SPOCK3: variants seen among roughly 807,000 people sequenced by gnomAD.
The protein encoded by SPOCK3 is testican-3.
In SPOCK3, 30 loss-of-function variants were observed where a neutral mutation model predicts 56.6. That is an observed-to-expected ratio of 0.53 (90% CI 0.40 to 0.72). The LOEUF is 0.72. SPOCK3 is among the 30% of genes least tolerant of loss of function. The pLI, the probability that SPOCK3 is intolerant of heterozygous loss-of-function variation, is 0.00. For synonymous variants in SPOCK3, 196 were observed against 183.3 expected (o/e 1.07, Z -0.56); for missense variants, 527 against 530.0 (o/e 0.99, Z 0.06).
At chr4:167,018,301 C>A (rs949283979) in intron 3 of SPOCK3, among the ~76,000 whole-genome samples, 1 of 152,024 alleles carries the variant, frequency 6.6e-6, no homozygotes, top group Non-Finnish European at 1.5e-5. Context: ...TTTTTAGTCA[C>A]CTTTATATAA....
chr4:166,864,251 G>A lies in SPOCK3; in HGVS notation c.589+24879C>T, dbSNP rs182274950. On this transcript the variant is annotated intron_variant, in intron 6 of 10. Coordinates refer to ENST00000357545, the MANE Select transcript of SPOCK3 (RefSeq NM_001040159.2). The stretch of plus-strand genomic sequence containing the variant: ...AAACCAATGAGAACAAAGAGACAAC[G>A]TACCAGAATCTCTAGGACACAGCTA... Among the ~76,000 whole-genome samples, 12 of 152,124 alleles carry A rather than the reference G, an allele frequency of 7.9e-5. No homozygotes were observed. In the East Asian group the frequency reaches 9.7e-4, roughly 12 times the overall value.
chr4:166,776,261 A>C (rs1429830123), intron 7 of SPOCK3, among the ~76,000 whole-genome samples: 1 of 152,006 alleles, frequency 6.6e-6, no homozygotes, highest in African/African-American at 2.4e-5. Flanking sequence ...AAAAATACAA[A>C]AATTAGCTAA....
At chr4:167,042,776 A>C (rs1161176416) in intron 3 of SPOCK3, among the ~76,000 whole-genome samples, 1 of 152,140 alleles carries the variant, frequency 6.6e-6, no homozygotes, top group Non-Finnish European at 1.5e-5. Flanking sequence ...TTTTTAGATA[A>C]AATAGAATAA....
At chr4:166,811,225 T>C (rs552963280) in intron 6 of SPOCK3, among the ~76,000 whole-genome samples, 40 of 151,862 alleles carry the variant, frequency 2.6e-4, no homozygotes, top group African/African-American at 9.4e-4. Context: ...TGTCCTTTTG[T>C]CTTTATTCTT....
chr4:166,887,129 T>C (rs1314890768), intron 6 of SPOCK3, among the ~76,000 whole-genome samples: 2 of 152,184 alleles, frequency 1.3e-5, no homozygotes, highest in South Asian at 2.1e-4. Flanking sequence ...AAAATAATTA[T>C]TGTTTATTCA....
At chr4:167,094,497 C>T (rs1056041555) in intron 2 of SPOCK3, among the ~76,000 whole-genome samples, 5 of 151,814 alleles carry the variant, frequency 3.3e-5, no homozygotes, top group Admixed American at 2.6e-4. Flanking sequence ...CCACCCATAT[C>T]AAAAAGTAAA....
intron 4 of SPOCK3, among the ~76,000 whole-genome samples, chr4:166,986,466 C>G (rs529995608): frequency 1.1e-4 from 17 of 152,206 alleles, no homozygotes; most frequent in African/African-American, 4.1e-4. Flanking sequence ...TCACGGTGTC[C>G]CCTTAGCCTG....
intron 6 of SPOCK3, among the ~76,000 whole-genome samples, chr4:166,794,643 CTTTT>C (rs1170214198): frequency 3.9e-5 from 5 of 127,358 alleles, no homozygotes; most frequent in Admixed American, 8.0e-5. Context: ...TTCTTTCTTT[CTTTT>C]TTTTTTTTTT....
chr4:166,976,989 C>T (rs948747958), intron 4 of SPOCK3, among the ~76,000 whole-genome samples: 1 of 151,766 alleles, frequency 6.6e-6, no homozygotes, highest in Non-Finnish European at 1.5e-5. Context: ...AGAAAGATGG[C>T]GTGATAAGCA....
intron 6 of SPOCK3, among the ~76,000 whole-genome samples, chr4:166,848,220 A>C (rs1400809312): frequency 6.6e-6 from 1 of 152,222 alleles, no homozygotes; most frequent in African/African-American, 2.4e-5. Flanking sequence ...GATGGAGTAC[A>C]GTAGAGCTTT....
At chr4:166,992,712 A>T (rs1175873220) in intron 4 of SPOCK3, among the ~76,000 whole-genome samples, 1 of 119,480 alleles carries the variant, frequency 8.4e-6, no homozygotes, top group Non-Finnish European at 1.9e-5. Flanking sequence ...CTTTAAAAGT[A>T]ACCTTCATTA....
intron 3 of SPOCK3, among the ~76,000 whole-genome samples, chr4:167,052,739 C>T (rs1754354502): frequency 6.6e-6 from 1 of 152,106 alleles, no homozygotes; most frequent in South Asian, 2.1e-4. Flanking sequence ...TTTCAGAATA[C>T]TGTCAATAAA....
At chr4:167,097,078 CTTATT>C (rs1475705356) in intron 2 of SPOCK3, among the ~76,000 whole-genome samples, 1 of 151,458 alleles carries the variant, frequency 6.6e-6, no homozygotes, top group East Asian at 1.9e-4. Flanking sequence ...TATAGTTACT[CTTATT>C]TTATTTTCAT....
chr4:167,159,777 T>C (rs10024236), intron 2 of SPOCK3, among the ~76,000 whole-genome samples: 27,615 of 151,784 alleles, frequency 0.18, 2,716 homozygotes, highest in Admixed American at 0.26. Context: ...TAAACAGAAC[T>C]AAAGACAAAA....
At chr4:167,072,691 A>T (rs1400979896) in intron 2 of SPOCK3, among the ~76,000 whole-genome samples, 4 of 151,866 alleles carry the variant, frequency 2.6e-5, no homozygotes, top group African/African-American at 9.7e-5. Flanking sequence ...TTCTTTTCTG[A>T]CCATCAGTAT....
intron 2 of SPOCK3, among the ~76,000 whole-genome samples, chr4:167,110,619 T>C (rs1760822668): frequency 6.6e-6 from 1 of 152,082 alleles, no homozygotes; most frequent in African/African-American, 2.4e-5. Context: ...TTCATTTGCG[T>C]TCTATTTAAT....
At chr4:166,995,952 A>G (rs1024606110) in intron 4 of SPOCK3, among the ~76,000 whole-genome samples, 3 of 152,120 alleles carry the variant, frequency 2.0e-5, no homozygotes, top group African/African-American at 7.2e-5. Context: ...TGCTTTCAAT[A>G]TTTCAACAAA....
intron 6 of SPOCK3, among the ~76,000 whole-genome samples, chr4:166,815,765 A>G (rs988341991): frequency 2.0e-5 from 3 of 152,060 alleles, no homozygotes; most frequent in Non-Finnish European, 4.4e-5. Context: ...ACAGAGCAAG[A>G]CCTTCTCTCT....
intron 2 of SPOCK3, among the ~76,000 whole-genome samples, chr4:167,122,522 G>A (rs1009622552): frequency 2.0e-5 from 3 of 152,134 alleles, no homozygotes; most frequent in Non-Finnish European, 2.9e-5. Flanking sequence ...AGGAAAAGTC[G>A]TTTAGGGTTA....
Sources: gnomAD v4.1 joint callset for allele counts (sites outside exome capture counted in the v4.1 genomes callset) on GRCh38, gnomAD v4.1.1 for gene constraint, MANE v1.5 for transcripts, NCBI Gene and HGNC (gene_info 2026-07-23, HGNC 2026-07-21) for gene names.